NSUN3: variants seen among roughly 807,000 people sequenced by gnomAD.
NSUN3 encodes NOP2/Sun RNA methyltransferase 3.
In NSUN3, 24 loss-of-function variants were observed where a neutral mutation model predicts 36.8. The observed-to-expected ratio is 0.65, with a 90% confidence interval of 0.47 to 0.92. The LOEUF is 0.92. NSUN3 is among the 40% of genes least tolerant of loss of function. The pLI is 0.00. For synonymous variants in NSUN3, 146 were observed against 145.2 expected, an observed-to-expected ratio of 1.01 and a Z score of -0.04; for missense variants, 381 against 392.8, an observed-to-expected ratio of 0.97 and a Z score of 0.25.
At chr3:94,068,115 C>A (rs1431910789) in intron 2 of NSUN3, among the ~76,000 whole-genome samples, 2 of 151,970 alleles carry the variant, frequency 1.3e-5, no homozygotes, top group Admixed American at 6.6e-5. Flanking sequence ...GAGTTAATAT[C>A]TCTGTGCTCC....
intron 2 of NSUN3, among the ~76,000 whole-genome samples, chr3:94,074,561 T>C (rs2077238886): frequency 6.6e-6 from 1 of 152,192 alleles, no homozygotes; most frequent in African/African-American, 2.4e-5. Flanking sequence ...ATTCTCTTAG[T>C]AGCAATTGTG....
intron 2 of NSUN3, chr3:94,075,942 C>T: frequency 1.3e-6 from 2 of 1,508,212 alleles, no homozygotes; most frequent in South Asian, 1.1e-5. Flanking sequence ...CATATTCCTT[C>T]AGGGTCTTCA....
chr3:94,110,166 G>C (rs201719186), intron 5 of NSUN3, among the ~76,000 whole-genome samples: 6 of 152,082 alleles, frequency 3.9e-5, no homozygotes, highest in East Asian at 1.9e-4. Context: ...CATGAATAAG[G>C]CTTGAGGCCA....
intron 3 of NSUN3, among the ~76,000 whole-genome samples, chr3:94,085,738 AAC>A (rs1477302262): frequency 6.6e-6 from 1 of 152,100 alleles, no homozygotes; most frequent in African/African-American, 2.4e-5. Context: ...CAGCCTGGGA[AAC>A]AGAGTGAGAT....
chr3:94,070,761 C>T (rs2077222150), intron 2 of NSUN3, among the ~76,000 whole-genome samples: 1 of 152,216 alleles, frequency 6.6e-6, no homozygotes, highest in Admixed American at 6.5e-5. Flanking sequence ...TATTCAAAAC[C>T]TCCATATGCC....
At chr3:94,086,450 C>T (rs2077293320) in intron 3 of NSUN3, among the ~76,000 whole-genome samples, 1 of 152,210 alleles carries the variant, frequency 6.6e-6, no homozygotes. Flanking sequence ...AAAATGGATT[C>T]TTTTGAAACT....
chr3:94,108,931 C>T (rs994234673), intron 5 of NSUN3, among the ~76,000 whole-genome samples: 11 of 152,250 alleles, frequency 7.2e-5, no homozygotes, highest in Non-Finnish European at 1.5e-4. Context: ...TCCCAAAGTG[C>T]TGGGATTACT....
At chr3:94,104,825 A>G (rs146156897) in intron 5 of NSUN3, among the ~76,000 whole-genome samples, 10 of 152,358 alleles carry the variant, frequency 6.6e-5, no homozygotes, top group African/African-American at 2.2e-4. Flanking sequence ...CAGATGAGCA[A>G]TGATTATCAA....
chr3:94,098,602 C>A (rs572462577), intron 5 of NSUN3, among the ~76,000 whole-genome samples: 1 of 152,238 alleles, frequency 6.6e-6, no homozygotes, highest in South Asian at 2.1e-4. Flanking sequence ...CCTCTTTTGA[C>A]CTGGCCCCTT....
intron 2 of NSUN3, among the ~76,000 whole-genome samples, chr3:94,083,477 A>C (rs1276764559): frequency 6.6e-6 from 1 of 152,194 alleles, no homozygotes; most frequent in Admixed American, 6.5e-5. Context: ...GCCCGCAATC[A>C]GTCTGATTGG....
intron 5 of NSUN3, among the ~76,000 whole-genome samples, chr3:94,111,530 T>C (rs895187074): frequency 6.6e-6 from 1 of 152,150 alleles, no homozygotes; most frequent in Non-Finnish European, 1.5e-5. Flanking sequence ...TACAAAAATA[T>C]TTTCTTTCTT....
intron 2 of NSUN3, chr3:94,076,042 G>A: frequency 6.2e-7 from 1 of 1,607,460 alleles, no homozygotes; most frequent in East Asian, 2.2e-5. Flanking sequence ...TGGGATTCCA[G>A]GAGAAATCAG....
intron 1 of NSUN3, chr3:94,063,374 G>A: frequency 1.9e-6 from 1 of 524,276 alleles, no homozygotes. Flanking sequence ...GCTCTTGGAG[G>A]GCTGAGATTT....
chr3:94,108,665 T>C (rs1345181697), intron 5 of NSUN3, among the ~76,000 whole-genome samples: 1 of 151,930 alleles, frequency 6.6e-6, no homozygotes, highest in African/African-American at 2.4e-5. Flanking sequence ...GGCCTTTTTA[T>C]TTTATTTTTT....
intron 5 of NSUN3, among the ~76,000 whole-genome samples, chr3:94,096,913 A>G (rs1378273246): frequency 6.6e-6 from 1 of 152,186 alleles, no homozygotes; most frequent in East Asian, 1.9e-4. Context: ...CATTTTTTAA[A>G]ACCATAAGTA....
At chr3:94,121,157 C>T (rs1165674876) in intron 5 of NSUN3, among the ~76,000 whole-genome samples, 1 of 152,118 alleles carries the variant, frequency 6.6e-6, no homozygotes, top group Non-Finnish European at 1.5e-5. Context: ...AAAATGAGCC[C>T]TGTGGGACTA....
intron 5 of NSUN3, among the ~76,000 whole-genome samples, chr3:94,115,578 G>A (rs1196830592): frequency 6.6e-6 from 1 of 152,172 alleles, no homozygotes; most frequent in Non-Finnish European, 1.5e-5. Flanking sequence ...ACTTGTTTTA[G>A]CGATGACATA....
At chr3:94,076,788 T>C in intron 2 of NSUN3, 1 of 1,563,596 alleles carries the variant, frequency 6.4e-7, no homozygotes, top group Non-Finnish European at 8.8e-7. Flanking sequence ...TAACGGGCCC[T>C]GTTTACTTCT....
intron 5 of NSUN3, among the ~76,000 whole-genome samples, chr3:94,124,148 C>CTTTTTTTTTTTTTTTTTTTTTTTTATTT (rs58987431): frequency 3.4e-5 from 3 of 88,192 alleles, no homozygotes; most frequent in Middle Eastern, 0.011. Context: ...TATTTTATTT[C>CTTTTTTTTTTTTTTTTTTTTTTTTATTT]TTTTTTTTTT....
Sources: allele counts gnomAD v4.1 joint callset (sites outside exome capture counted in the v4.1 genomes callset), GRCh38; gene constraint gnomAD v4.1.1; transcripts MANE v1.5; gene names NCBI Gene and HGNC (gene_info 2026-07-23, HGNC 2026-07-21).